Variants in NAV2 observed in about 807,000 individuals in gnomAD.
NAV2 encodes the protein neuron navigator 2, also known as helicase, APC down-regulated 1.
Under a neutral mutation model 223.2 loss-of-function variants are expected in NAV2, and 54 were observed. That is an observed-to-expected ratio of 0.24 (90% CI 0.19 to 0.30). The LOEUF (loss-of-function observed/expected upper bound fraction) is 0.30. NAV2 is among the 10% of genes least tolerant of loss of function. The pLI is 1.00. For synonymous variants in NAV2, 1,279 were observed against 1,239.3 expected, an observed-to-expected ratio of 1.03 and a Z score of -0.67; for missense variants, 2,806 against 3,147.5, an observed-to-expected ratio of 0.89 and a Z score of 2.60.
intron 3 of NAV2, among the ~76,000 whole-genome samples, chr11:19,866,084 A>G (rs1487998833): frequency 6.6e-6 from 1 of 152,214 alleles, no homozygotes; most frequent in Non-Finnish European, 1.5e-5. Flanking sequence ...TAAAACCAAC[A>G]CCATCCAAAG....
chr11:19,952,078 C>T (rs1829208567), intron 10 of NAV2, among the ~76,000 whole-genome samples: 1 of 152,190 alleles, frequency 6.6e-6, no homozygotes, highest in Admixed American at 6.5e-5. Flanking sequence ...GGCCAAGTTA[C>T]CAGTTTGTGT....
Position 20,045,650 on chromosome 11 carries a change from G to C in NAV2, c.3882G>C (p.Val1294=). ...SLQPGAKYPD[V]ASPTLRRLFG... ...AGCCTGGAGCCAAGTACCCAGATGT[G>C]GCCTCTCCCACACTCCGCAGGTAAG... The change falls in exon 14 of 38, where the codon GTG becomes GTC. Residue 1294 remains valine, a synonymous_variant. Transcript: ENST00000349880. 1 of 1,613,850 alleles carries C rather than the reference G, an allele frequency of 6.2e-7. No individual in the cohort carries two copies. The highest frequency in any genetic ancestry group is 8.5e-7 in the Non-Finnish European group (1 of 1,179,842).
intron 1 of NAV2, among the ~76,000 whole-genome samples, chr11:19,644,154 A>C (rs1472630501): frequency 6.6e-6 from 1 of 152,228 alleles, no homozygotes; most frequent in African/African-American, 2.4e-5. Flanking sequence ...ACACAGCAGA[A>C]GCATGTATGG....
In NAV2 at chr11:20,045,477, G is replaced by A. The variant is rs1165745151; in HGVS notation, c.3709G>A (p.Ala1237Thr). 1 of 1,614,044 alleles carries A rather than the reference G, an allele frequency of 6.2e-7. No individual in the cohort carries two copies. The highest frequency in any genetic ancestry group is 1.3e-5 in the African/African-American group (1 of 74,934). Residue 1237 changes from alanine (A) to threonine (T), a missense_variant, in exon 14 of 38, where the codon GCC (alanine) becomes ACC (threonine). Physicochemically the swap from Ala to Thr is moderately conservative, Grantham distance 58 (BLOSUM62 0). Around this residue, in one of 4 missense-constraint regions of NAV2, gnomAD observed 742 missense variants for 777.9 expected, o/e 0.95. Coordinates refer to ENST00000349880, the MANE Select transcript of NAV2 (RefSeq NM_145117.5). ...VPKLREPSKT[A>T]LGSSLPGLVN... is the part of the protein sequence containing the mutation. ...CAAACTGAGGGAGCCTTCCAAAACA[G>A]CCCTAGGCAGCTCTCTACCAGGTCT... is the stretch of plus-strand genomic sequence containing the variant.
intron 1 of NAV2, among the ~76,000 whole-genome samples, chr11:19,729,692 A>T (rs899444822): frequency 1.3e-5 from 2 of 152,054 alleles, no homozygotes; most frequent in Non-Finnish European, 2.9e-5. Flanking sequence ...ATGATAGGAG[A>T]TGTTGAGTGC....
At chr11:19,366,728 G>A (rs1457215875) in intron 1 of NAV2, among the ~76,000 whole-genome samples, 1 of 152,090 alleles carries the variant, frequency 6.6e-6, no homozygotes, top group Non-Finnish European at 1.5e-5. Flanking sequence ...CACTTTTCAG[G>A]GAATTTTTTT....
chr11:19,837,273 G>T (rs1161320213), intron 2 of NAV2, among the ~76,000 whole-genome samples: 1 of 152,202 alleles, frequency 6.6e-6, no homozygotes, highest in African/African-American at 2.4e-5. Context: ...CAATGGAGGA[G>T]AAGAGAGGGC....
In NAV2 at chr11:19,794,253, T is replaced by G. The variant is rs575117924; in HGVS notation, c.268-38231T>G. Among the ~76,000 whole-genome samples the G allele has an allele frequency of 8.3e-4, 126 of 152,334 alleles. 1 individual carries two copies. The highest frequency in any genetic ancestry group is 1.2e-3 in the Non-Finnish European group (79 of 68,030). The stretch of plus-strand genomic sequence containing the variant: ...TCGGCGTTGTAAGGAGGCTTTCTTC[T>G]CACTCCATCTAAGCCAGCGATGGTT... On this transcript the variant is annotated intron_variant, in intron 1 of 37. Transcript: ENST00000349880.
At chr11:19,711,751 C>G (rs2049889496), upstream of NAV2, 1 of 152,174 alleles carries the variant, frequency 6.6e-6, no homozygotes, top group Non-Finnish European at 1.5e-5. Flanking sequence ...AAATAAAGCC[C>G]AGCTTTTATT....
At chr11:19,542,475 C>A (rs1274677672) in intron 1 of NAV2, among the ~76,000 whole-genome samples, 3 of 152,244 alleles carry the variant, frequency 2.0e-5, no homozygotes, top group Admixed American at 6.5e-5. Flanking sequence ...CTCTTAAGCA[C>A]TTTGCTCCGC....
At position 20,048,798 on chromosome 11, in the gene NAV2, A is replaced by C; in HGVS notation, c.3973A>C (p.Ile1325Leu). Residue 1325 changes from isoleucine to leucine, a missense_variant, in exon 15 of 38, where the codon ATC becomes CTC. Physicochemically the swap from Ile to Leu is conservative, Grantham distance 5. Coordinates refer to ENST00000349880, the MANE Select transcript of NAV2 (RefSeq NM_145117.5). ...TGAAAACATGAAAAATTCGGTGGTC[A>C]TCTCCAATCCTCATGCCACCATGAC... ...TAENMKNSVV[I>L]SNPHATMTQQ... is the part of the protein sequence containing the mutation. The C allele has an allele frequency of 6.2e-7, 1 of 1,614,128 alleles. No individual in the cohort carries two copies. Among genetic ancestry groups the C allele is most frequent in the Non-Finnish European group, 8.5e-7 (1 of 1,180,024 alleles).
At position 19,850,417 on chromosome 11, in the gene NAV2, A is replaced by G. The variant is rs1195414012; in HGVS notation, c.438+7494A>G. 2.0e-5 allele frequency among the ~76,000 whole-genome samples: 3 copies of G among 152,164 alleles called. No individual in the cohort carries two copies. The East Asian group carries it at 5.8e-4, about 29-fold the overall frequency. ...ACTGGGCCTGTAGTCAGCATTTAGT[A>G]AATACAGGATGGGTAGATGGACAGA... is the stretch of plus-strand genomic sequence containing the variant. On this transcript the variant is annotated intron_variant, in intron 3 of 37. Transcript: ENST00000349880.
chr11:19,786,410 T>A (rs1252432333), intron 1 of NAV2, among the ~76,000 whole-genome samples: 1 of 152,220 alleles, frequency 6.6e-6, no homozygotes, highest in Non-Finnish European at 1.5e-5. Flanking sequence ...TGGCATACAC[T>A]AAGTGTTCAA....
intron 1 of NAV2, among the ~76,000 whole-genome samples, chr11:19,542,885 C>T (rs981919865): frequency 1.3e-5 from 2 of 152,228 alleles, no homozygotes; most frequent in African/African-American, 4.8e-5. Context: ...GAAACCCTCC[C>T]CTTCCTGGGT....
At chr11:20,005,405 C>A (rs1343261622) in intron 11 of NAV2, among the ~76,000 whole-genome samples, 1 of 151,570 alleles carries the variant, frequency 6.6e-6, no homozygotes, top group Non-Finnish European at 1.5e-5. Context: ...GCCACCAAGC[C>A]CAGCTAATTT....
At chr11:19,369,132 G>A (rs1277952140) in intron 1 of NAV2, among the ~76,000 whole-genome samples, 1 of 152,212 alleles carries the variant, frequency 6.6e-6, no homozygotes, top group Non-Finnish European at 1.5e-5. Flanking sequence ...AAGGCAGTTA[G>A]CAGGGTCCTT....
intron 1 of NAV2, among the ~76,000 whole-genome samples, chr11:19,389,181 T>A (rs1050047026): frequency 2.0e-5 from 3 of 152,224 alleles, no homozygotes; most frequent in Non-Finnish European, 4.4e-5. Context: ...GGGTGAGCAG[T>A]GACTGGCTTG....
intron 37 of NAV2, among the ~76,000 whole-genome samples, chr11:20,116,377 TTTA>T (rs2063092167): frequency 6.6e-6 from 1 of 152,184 alleles, no homozygotes; most frequent in Non-Finnish European, 1.5e-5. Context: ...TTTTTAAGGA[TTTA>T]TTATTTGTGT....
intron 1 of NAV2, among the ~76,000 whole-genome samples, chr11:19,789,173 C>T (rs118073977): frequency 5.9e-5 from 9 of 152,156 alleles, no homozygotes; most frequent in African/African-American, 2.2e-4. Flanking sequence ...TGGAATTATT[C>T]TTCCAATAAA....
Sources: allele counts gnomAD v4.1 joint callset (sites outside exome capture counted in the v4.1 genomes callset), GRCh38; gene constraint gnomAD v4.1.1; regional missense constraint gnomAD v4.1.1; transcripts MANE v1.5; gene names NCBI Gene and HGNC (gene_info 2026-07-23, HGNC 2026-07-21).